The following KRT5 variants were observed in gnomAD, a reference collection of about 807,000 sequenced individuals.
The protein encoded by KRT5 is keratin 5.
In KRT5, 17 loss-of-function variants were observed where a neutral mutation model predicts 44.0. The observed-to-expected ratio is 0.39, with a 90% CI of 0.26 to 0.58. The LOEUF (loss-of-function observed/expected upper bound fraction) is 0.58, where lower values mean the gene tolerates loss of function less well. KRT5 is among the 20% of genes least tolerant of loss of function. The probability of loss-of-function intolerance (pLI) is 0.61; values close to 1 mark genes in which losing one functional copy is unlikely to be tolerated. For missense variants in KRT5, 737 were observed against 785.5 expected (o/e 0.94, Z 0.74); for synonymous variants, 329 against 312.8 (o/e 1.05, Z -0.55).
chr12:52,515,842 G>T lies in KRT5; in HGVS notation c.1440-10C>A. On this transcript the variant is annotated splice_polypyrimidine_tract_variant and intron_variant, in intron 7 of 8. Transcript: ENST00000252242. ...TCCTTCTCCACTGAGTCTGAAAGGGGAAAAATTGAATTAAGGGTTAACAGC... is the reference window on the plus strand; with the variant it reads ...TCCTTCTCCACTGAGTCTGAAAGGGTAAAAATTGAATTAAGGGTTAACAGC... The T allele has an allele frequency of 6.2e-7, 1 of 1,611,940 alleles. No homozygotes were observed. The highest frequency in any genetic ancestry group is 8.5e-7 in the Non-Finnish European group (1 of 1,178,026).
Position 52,515,476 on chromosome 12 carries a change from G to A in KRT5, c.1475-236C>T. The A allele has an allele frequency of 4.7e-6, 3 of 642,228 alleles. No individual in the cohort carries two copies. In the South Asian group the frequency reaches 5.6e-5, roughly 12 times the overall value. 39.8% of individuals were successfully genotyped at this position (642,228 alleles called of 1,614,324 possible). A position where few individuals can be genotyped will look rare whatever the true frequency, so the allele number is the denominator to read the frequency against. On this transcript the variant is annotated intron_variant, in intron 8 of 8. Transcript: ENST00000252242. ...ACTGAGGGGAGCTAGGTACTACAGG[G>A]AGCTAGGTACTGAGGGGAGCTAGGT...
At position 52,517,207 on chromosome 12, in the gene KRT5, C is replaced by T; in HGVS notation, c.1118G>A (p.Gly373Asp). The T allele has an allele frequency of 6.2e-7, 1 of 1,613,994 alleles. No homozygotes were observed. The highest frequency in any genetic ancestry group is 8.5e-7 in the Non-Finnish European group (1 of 1,179,964). The part of the protein sequence containing the change: ...TKYEELQQTA[G>D]RHGDDLRNTK... Reference sequence around the variant, plus strand: ...GTTGCGGAGGTCATCGCCATGCCGGCCAGCTGTCTGCTGCAGCTCCTCATA... The same window carrying T: ...GTTGCGGAGGTCATCGCCATGCCGGTCAGCTGTCTGCTGCAGCTCCTCATA... The change falls in exon 6 of 9, where the codon GGC becomes GAC. Residue 373 changes from glycine to aspartate, a missense_variant. Coordinates refer to ENST00000252242, the MANE Select transcript of KRT5 (RefSeq NM_000424.4).
Position 52,519,122 on chromosome 12 carries a change from G to T in KRT5, c.594C>A (p.Thr198=), listed in dbSNP as rs641621. 0.26 allele frequency: 420,925 copies of T among 1,610,090 alleles called. 55,896 individuals carry two copies. Among genetic ancestry groups the T allele is most frequent in the East Asian group, 0.38 (17,214 of 44,784 alleles). ...FLEQQNKVLD[T]KWTLLQEQGT... ...CCTGCTCCTGCAGCAGGGTCCACTT[G>T]GTGTCCAGAACCTTGTTCTGCTGCT... The change falls in exon 2 of 9, where the codon ACC becomes ACA. Residue 198 remains threonine, a synonymous_variant. Coordinates refer to ENST00000252242, the MANE Select transcript of KRT5 (RefSeq NM_000424.4).
chr12:52,515,081 C>T lies in KRT5; in HGVS notation c.1634G>A (p.Gly545Glu), dbSNP rs533422741. 4.3e-6 allele frequency: 7 copies of T among 1,612,910 alleles called. No homozygotes were observed. The South Asian group carries it at 7.7e-5, about 18-fold the overall frequency. Residue 545 changes from glycine (G) to glutamate (E), a missense_variant, in exon 9 of 9, where the codon GGG becomes GAG. Physicochemically the swap from Gly to Glu is moderately conservative, Grantham distance 98 (BLOSUM62 -2). Coordinates refer to ENST00000252242, the MANE Select transcript of KRT5 (RefSeq NM_000424.4). ...GAAGCCAGAGCCCCCCACACTGAGC[C>T]CACCACCTAGGCCGACACCCCCACT... ...SSSGGVGLGG[G>E]LSVGGSGFSA...
Position 52,517,640 on chromosome 12 carries a change from C to T in KRT5, c.1042G>A (p.Glu348Lys). 2 of 1,614,202 alleles carry T rather than the reference C, an allele frequency of 1.2e-6. No homozygotes were observed. Among genetic ancestry groups the T allele is most frequent in the Middle Eastern group, 1.6e-4 (1 of 6,062 alleles). Reference protein sequence around the residue: ...IIAEVKAQYEEIANRSRTEAE... With the variant: ...IIAEVKAQYEKIANRSRTEAE... ...TCTGTCCGGCTGCGGTTGGCAATCTCCTCATACTGGGCCTTGACCTCAGCG... is the reference window on the plus strand; with the variant it reads ...TCTGTCCGGCTGCGGTTGGCAATCTTCTCATACTGGGCCTTGACCTCAGCG... Residue 348 changes from glutamate (E) to lysine (K), a missense_variant, in exon 5 of 9, where the codon GAG (glutamate) becomes AAG (lysine). Coordinates refer to ENST00000252242, the MANE Select transcript of KRT5 (RefSeq NM_000424.4).
At position 52,516,826 on chromosome 12, in the gene KRT5, G is replaced by T. The variant is rs763147225; in HGVS notation, c.1250C>A (p.Ala417Asp). The T allele has an allele frequency of 6.2e-6, 10 of 1,614,188 alleles. No individual in the cohort carries two copies. Among genetic ancestry groups the T allele is most frequent in the Non-Finnish European group, 8.5e-6 (10 of 1,180,044 alleles). ...CANLQNAIAD[A>D]EQRGELALKD... ...GAGGGCCAGCTCCCCACGCTGCTCG[G>T]CATCCGCAATGGCGTTCTGCAGATT... The change falls in exon 7 of 9, where the codon GCC becomes GAC. Residue 417 changes from alanine (A) to aspartate (D), a missense_variant. Physicochemically the swap from Ala to Asp is moderately radical, Grantham distance 126 (BLOSUM62 -2). Coordinates refer to ENST00000252242, the MANE Select transcript of KRT5 (RefSeq NM_000424.4).
In KRT5 at chr12:52,516,769, T is replaced by A; in HGVS notation, c.1307A>T (p.Glu436Val). ...CTGCTTGGCCTTCTGCAGGGCCTCC[T>A]CCAGCTCGGCCAGCTTGTTCCTGGC... is the stretch of plus-strand genomic sequence containing the variant. ...KDARNKLAEL[E>V]EALQKAKQDM... The change falls in exon 7 of 9, where the codon GAG becomes GTG. Residue 436 changes from glutamate to valine, a missense_variant. Glu to Val is a moderately radical substitution (Grantham distance 121). Transcript: ENST00000252242. 1 of 1,614,190 alleles carries A rather than the reference T, an allele frequency of 6.2e-7. No homozygotes were observed. The highest frequency in any genetic ancestry group is 1.3e-5 in the African/African-American group (1 of 75,044).
intron 2 of KRT5, 122 bp from the exon 3 acceptor site, chr12:52,518,285 G>A: frequency 1.1e-6 from 1 of 889,672 alleles, no homozygotes; most frequent in Non-Finnish European, 1.9e-6. Context: ...CATAGGCAGA[G>A]AGGGAGGGGA....
intron 8 of KRT5, 36 bp downstream of exon 8, chr12:52,515,762 T>A (rs749841907): frequency 5.8e-6 from 9 of 1,551,848 alleles, no homozygotes; most frequent in Non-Finnish European, 7.1e-6. Flanking sequence ...TATCCCATAT[T>A]ATTGTCGTTG....
In KRT5 at chr12:52,520,175, C is replaced by A; in HGVS notation, c.122G>T (p.Gly41Val). ...SFTSVSRSGGGGGGGFGRVSL... is the reference protein window; with the variant it reads ...SFTSVSRSGGVGGGGFGRVSL... ...GACCCTGCCGAAGCCACCACCACCG[C>A]CACCCCCGGACCGGGACACGGAGGT... Residue 41 changes from glycine (G) to valine (V), a missense_variant, in exon 1 of 9, where the codon GGC becomes GTC. By Grantham distance (109) the Gly-to-Val change is moderately radical (BLOSUM62 -3). Coordinates refer to ENST00000252242, the MANE Select transcript of KRT5 (RefSeq NM_000424.4). The A allele has an allele frequency of 6.2e-7, 1 of 1,613,958 alleles. No individual in the cohort carries two copies. Among genetic ancestry groups the A allele is most frequent in the Non-Finnish European group, 8.5e-7 (1 of 1,179,866 alleles).
In KRT5 at chr12:52,517,664, C is replaced by T. The variant is rs780099328; in HGVS notation, c.1018G>A (p.Ala340Thr). ...NRNLDLDSII[A>T]EVKAQYEEIA... ...TCCTCATACTGGGCCTTGACCTCAG[C>T]GATGATGCTATCCAGGTCCAGGTTG... The change falls in exon 5 of 9, where the codon GCT (alanine) becomes ACT (threonine). Residue 340 changes from alanine to threonine, a missense_variant. Ala to Thr is a moderately conservative substitution (Grantham distance 58). Coordinates refer to ENST00000252242, the MANE Select transcript of KRT5 (RefSeq NM_000424.4). 16 of 1,614,044 alleles carry T rather than the reference C, an allele frequency of 9.9e-6. No individual in the cohort carries two copies. The highest frequency in any genetic ancestry group is 2.7e-5 in the African/African-American group (2 of 74,912).
Position 52,515,210 on chromosome 12 carries a change from T to C in KRT5, c.1505A>G (p.Tyr502Cys), listed in dbSNP as rs1938590254. Residue 502 changes from tyrosine to cysteine, a missense_variant, in exon 9 of 9, where the codon TAT becomes TGT. By Grantham distance (194) the Tyr-to-Cys change is radical. Coordinates refer to ENST00000252242, the MANE Select transcript of KRT5 (RefSeq NM_000424.4). ...SVVTSSVSSG[Y>C]GSGSGYGGGL... Reference sequence around the variant, plus strand: ...ACCGCCATAGCCACTGCCACTGCCATATCCAGAGGAAACACTGCTTGTGAC... The same window carrying C: ...ACCGCCATAGCCACTGCCACTGCCACATCCAGAGGAAACACTGCTTGTGAC... The C allele has an allele frequency of 5.0e-6, 8 of 1,609,774 alleles. No homozygotes were observed. In the East Asian group the frequency reaches 1.8e-4, roughly 36 times the overall value.
At position 52,516,862 on chromosome 12, in the gene KRT5, A is replaced by G; in HGVS notation, c.1219-5T>C. The G allele has an allele frequency of 6.2e-7, 1 of 1,614,126 alleles. No homozygotes were observed. The highest frequency in any genetic ancestry group is 8.5e-7 in the Non-Finnish European group (1 of 1,180,008). On this transcript the variant is annotated splice_polypyrimidine_tract_variant and splice_region_variant and intron_variant, in intron 6 of 8. Coordinates refer to ENST00000252242, the MANE Select transcript of KRT5 (RefSeq NM_000424.4). ...GGCGTTCTGCAGATTGGCGCACTAC[A>G]GATAGAAAGGAGGAGAGTGGGGTTG...
intron 2 of KRT5, 53 bp from the exon 3 acceptor site, chr12:52,518,216 G>T: frequency 6.4e-7 from 1 of 1,554,738 alleles, no homozygotes; most frequent in Non-Finnish European, 8.9e-7. Context: ...AACAGGTAAG[G>T]GGTCTTTATT....
At chr12:52,519,302 T>C in intron 1 of KRT5, 142 bp from the exon 2 acceptor site, 1 of 1,319,582 alleles carries the variant, frequency 7.6e-7, no homozygotes, top group South Asian at 1.3e-5. Context: ...GGAGGGGAGG[T>C]GCAGACTGAG....
chr12:52,515,105 C>T lies in KRT5; in HGVS notation c.1610G>A (p.Ser537Asn). 1 of 1,612,282 alleles carries T rather than the reference C, an allele frequency of 6.2e-7. No homozygotes were observed. The highest frequency in any genetic ancestry group is 8.5e-7 in the Non-Finnish European group (1 of 1,179,200). Reference sequence around the variant, plus strand: ...CCCACCACCTAGGCCGACACCCCCACTGCTGCTGGAGTAGTAGCTTCCACT... The same window carrying T: ...CCCACCACCTAGGCCGACACCCCCATTGCTGCTGGAGTAGTAGCTTCCACT... Reference protein sequence around the residue: ...GSSGSYYSSSSGGVGLGGGLS... With the variant: ...GSSGSYYSSSNGGVGLGGGLS... Residue 537 changes from serine to asparagine, a missense_variant, in exon 9 of 9, where the codon AGT (serine) becomes AAT (asparagine). Physicochemically the swap from Ser to Asn is conservative, Grantham distance 46. Around this residue, in one of 5 missense-constraint regions of KRT5, gnomAD observed 344 missense variants for 351.6 expected, o/e 0.98. Coordinates refer to ENST00000252242, the MANE Select transcript of KRT5 (RefSeq NM_000424.4).
At chr12:52,519,476 A>G (rs1032762347) in intron 1 of KRT5, 3 of 622,204 alleles carry the variant, frequency 4.8e-6, no homozygotes, top group Non-Finnish European at 8.4e-6. Flanking sequence ...GCCCCTTTAT[A>G]TATGGCATGA....
At chr12:52,515,337 G>C (rs1938593359) in intron 8 of KRT5, 97 bp from the exon 9 acceptor site, 1 of 1,536,234 alleles carries the variant, frequency 6.5e-7, no homozygotes, top group Non-Finnish European at 8.9e-7. Flanking sequence ...CACTCTACTG[G>C]ACCCCCTTTA....
Position 52,517,633 on chromosome 12 carries a change from G to A in KRT5, c.1049C>T (p.Ala350Val), listed in dbSNP as rs750367973. 5 of 1,614,156 alleles carry A rather than the reference G, an allele frequency of 3.1e-6. 1 individual carries two copies. In the South Asian group the frequency reaches 5.5e-5, roughly 18 times the overall value. The change falls in exon 5 of 9, where the codon GCC (alanine) becomes GTC (valine). Residue 350 changes from alanine to valine, a missense_variant. Physicochemically the swap from Ala to Val is moderately conservative, Grantham distance 64 (BLOSUM62 0). Around this residue, in one of 5 missense-constraint regions of KRT5, gnomAD observed 344 missense variants for 351.6 expected, o/e 0.98. Coordinates refer to ENST00000252242, the MANE Select transcript of KRT5 (RefSeq NM_000424.4). ...CTCGGCTTCTGTCCGGCTGCGGTTGGCAATCTCCTCATACTGGGCCTTGAC... is the reference window on the plus strand; with the variant it reads ...CTCGGCTTCTGTCCGGCTGCGGTTGACAATCTCCTCATACTGGGCCTTGAC... ...AEVKAQYEEI[A>V]NRSRTEAESW...
Sources: gnomAD v4.1 joint callset for allele counts on GRCh38, gnomAD v4.1.1 for gene constraint, gnomAD v4.1.1 regional missense constraint, MANE v1.5 for transcripts, NCBI Gene and HGNC (gene_info 2026-07-23, HGNC 2026-07-21) for gene names.